Variants in THADA observed in about 807,000 individuals in gnomAD.
The protein encoded by THADA is tRNA (32-2'-O)-methyltransferase regulator THADA.
In THADA, 213 loss-of-function variants were observed where a neutral mutation model predicts 219.8. The ratio of observed to expected loss-of-function variants is 0.97; its 90% CI spans 0.87 to 1.09. The LOEUF (loss-of-function observed/expected upper bound fraction) is 1.09. Ranked by LOEUF, THADA falls within the 50% of genes least tolerant of loss-of-function variation. THADA has a pLI of 0.00. For synonymous variants in THADA, 1,018 were observed against 828.9 expected (o/e 1.23, Z -3.92); for missense variants, 2,956 against 2,311.3 (o/e 1.28, Z -5.72).
In THADA at chr2:43,291,718, TGGG is replaced by T. The variant is rs1484703926; in HGVS notation, c.4985_4987del (p.Ser1662_His1663delinsTyr). 6.4e-7 allele frequency: 1 copy of T among 1,557,140 alleles called. No homozygotes were observed. The highest frequency in any genetic ancestry group is 8.7e-7 in the Non-Finnish European group (1 of 1,148,760). Reference sequence around the variant, plus strand: ...TACCTCCACACATGTCTGCATGTGGTGGGAAATGACTTTGGAAGCAAGTCTCAG... The same window carrying T: ...TACCTCCACACATGTCTGCATGTGGTAAATGACTTTGGAAGCAAGTCTCAG... On this transcript the variant is annotated inframe_deletion, in exon 34 of 38. Transcript: ENST00000405975.
At chr2:43,499,099 A>G (rs549640288) in intron 24 of THADA, 144 bp from the exon 25 acceptor site, 1 of 891,422 alleles carries the variant, frequency 1.1e-6, no homozygotes, top group Admixed American at 3.4e-5. Flanking sequence ...AGCAGATTTA[A>G]TAAAACACAT....
intron 30 of THADA, among the ~76,000 whole-genome samples, chr2:43,335,518 AGACTCTGTTCTGTT>A (rs369009770): frequency 3.3e-5 from 5 of 152,200 alleles, no homozygotes; most frequent in African/African-American, 1.2e-4. Flanking sequence ...CGATTTGATA[AGACTCTGTTCTGTT>A]GCTCTCTTTA....
At chr2:43,521,005 GGGAA>G (rs1692378595) in intron 22 of THADA, among the ~76,000 whole-genome samples, 1 of 121,652 alleles carries the variant, frequency 8.2e-6, no homozygotes, top group African/African-American at 3.6e-5. Flanking sequence ...AGGAAAGGGA[GGGAA>G]GGGAGGGAAG....
At chr2:43,594,752 T>C (rs936178115) in intron 1 of THADA, among the ~76,000 whole-genome samples, 4 of 152,210 alleles carry the variant, frequency 2.6e-5, no homozygotes, top group Non-Finnish European at 5.9e-5. Context: ...TAAGAGGCTT[T>C]ACACTTCTCA....
chr2:43,301,842 G>C (rs1033823257), intron 31 of THADA, among the ~76,000 whole-genome samples: 1 of 152,124 alleles, frequency 6.6e-6, no homozygotes, highest in Non-Finnish European at 1.5e-5. Flanking sequence ...GTTCGTCAAA[G>C]GGTTTTCACA....
At position 43,297,635 on chromosome 2, in the gene THADA, G is replaced by A. The variant is rs1481213406; in HGVS notation, c.4439-4422C>T. Among the ~76,000 whole-genome samples, 4 of 101,326 alleles carry A rather than the reference G, an allele frequency of 3.9e-5. 1 individual carries two copies. The highest frequency in any genetic ancestry group is 2.5e-4 in the Admixed American group (3 of 12,022). 66.5% of individuals were successfully genotyped at this position (101,326 alleles called of 152,430 possible). Reference sequence around the variant, plus strand: ...CCCCGCCCGGCCAGCCCCCCCGTCCGGGAGGTGAGGGGCGCCTCTGCCCAG... The same window carrying A: ...CCCCGCCCGGCCAGCCCCCCCGTCCAGGAGGTGAGGGGCGCCTCTGCCCAG... On this transcript the variant is annotated intron_variant, in intron 31 of 37. Coordinates refer to ENST00000405975, the MANE Select transcript of THADA (RefSeq NM_022065.5).
chr2:43,591,897 C>A, intron 3 of THADA, 55 bp downstream of exon 3: 1 of 1,204,226 alleles, frequency 8.3e-7, no homozygotes, highest in Non-Finnish European at 1.1e-6. Context: ...TTTTTTAAAT[C>A]CTTAATAGCA....
chr2:43,430,189 T>C (rs886523119), intron 27 of THADA, 24 bp downstream of exon 27: 3 of 1,274,098 alleles, frequency 2.4e-6, no homozygotes, highest in South Asian at 1.6e-5. Flanking sequence ...GAGGTCATTT[T>C]GCCCCACCCA....
Position 43,586,991 on chromosome 2 carries a change from C to A in THADA, c.314G>T (p.Ser105Ile). The A allele has an allele frequency of 6.2e-7, 1 of 1,612,972 alleles. No homozygotes were observed. Among genetic ancestry groups the A allele is most frequent in the Non-Finnish European group, 8.5e-7 (1 of 1,179,498 alleles). The change falls in exon 5 of 38, where the codon AGC (serine) becomes ATC (isoleucine). Residue 105 changes from serine (S) to isoleucine (I), a missense_variant. Physicochemically the swap from Ser to Ile is moderately radical, Grantham distance 142. Transcript: ENST00000405975. ...LKKVLASSLN[S>I]LPDFFLPEAM... is the part of the protein sequence containing the mutation. ...CTCAGGTAGAAAAAAATCAGGCAGG[C>A]TATTTAGTGAGCTAGAAAAAGAAAC...
chr2:43,308,887 G>T (rs116483230), intron 31 of THADA, among the ~76,000 whole-genome samples: 1 of 151,910 alleles, frequency 6.6e-6, no homozygotes, highest in Non-Finnish European at 1.5e-5. Context: ...GAAGTTTTGA[G>T]GGAGCATCTT....
intron 31 of THADA, among the ~76,000 whole-genome samples, chr2:43,310,749 AC>A (rs1397863584): frequency 1.3e-5 from 2 of 152,210 alleles, no homozygotes; most frequent in Non-Finnish European, 2.9e-5. Context: ...AAAACTAAAA[AC>A]TTTTGTCCAT....
chr2:43,325,617 G>A (rs1393251574), intron 30 of THADA, among the ~76,000 whole-genome samples: 1 of 151,960 alleles, frequency 6.6e-6, no homozygotes, highest in African/African-American at 2.4e-5. Context: ...AGGGAGAAAA[G>A]GAGCTAGGAG....
Position 43,577,049 on chromosome 2 carries a change from G to C in THADA, c.1010C>G (p.Ala337Gly). The C allele has an allele frequency of 6.2e-7, 1 of 1,613,212 alleles. No individual in the cohort carries two copies. ...RSGEALLLDT[A>G]HVLFTLSSQI... Reference sequence around the variant, plus strand: ...TGAACTCAAGGTGAACAAAACATGTGCAGTATCCAAGAGCAGGGCCTCCCC... The same window carrying C: ...TGAACTCAAGGTGAACAAAACATGTCCAGTATCCAAGAGCAGGGCCTCCCC... The change falls in exon 10 of 38, where the codon GCA (alanine) becomes GGA (glycine). Residue 337 changes from alanine to glycine, a missense_variant. By Grantham distance (60) the Ala-to-Gly change is moderately conservative. Transcript: ENST00000405975.
chr2:43,567,757 G>C (rs144950557), intron 14 of THADA, among the ~76,000 whole-genome samples: 1 of 152,212 alleles, frequency 6.6e-6, no homozygotes, highest in Non-Finnish European at 1.5e-5. Flanking sequence ...TTCTATGGTT[G>C]GATCCCTAGT....
At chr2:43,340,267 A>G (rs1019945518) in intron 30 of THADA, among the ~76,000 whole-genome samples, 1 of 152,248 alleles carries the variant, frequency 6.6e-6, no homozygotes, top group African/African-American at 2.4e-5. Context: ...GCAGAAGCCC[A>G]GTCCTTTCCT....
At chr2:43,522,868 G>A (rs1004174481) in intron 22 of THADA, among the ~76,000 whole-genome samples, 7 of 151,930 alleles carry the variant, frequency 4.6e-5, no homozygotes, top group Non-Finnish European at 7.4e-5. Flanking sequence ...GGCTCCCCAG[G>A]CAAGATCGCG....
intron 28 of THADA, among the ~76,000 whole-genome samples, chr2:43,413,922 C>T (rs768088255): frequency 1.3e-5 from 2 of 152,162 alleles, no homozygotes; most frequent in Admixed American, 6.5e-5. Flanking sequence ...TTCTAGGACC[C>T]GTGAGATGCT....
At chr2:43,367,901 G>A (rs1422829253) in intron 29 of THADA, among the ~76,000 whole-genome samples, 1 of 152,086 alleles carries the variant, frequency 6.6e-6, no homozygotes, top group East Asian at 1.9e-4. Flanking sequence ...GGTGGATCAC[G>A]AGGTCAAGAG....
chr2:43,250,238 G>A (rs1319968002), intron 36 of THADA, among the ~76,000 whole-genome samples: 1 of 152,186 alleles, frequency 6.6e-6, no homozygotes, highest in East Asian at 1.9e-4. Context: ...AGAACTAAAA[G>A]TGCTGATTCA....
Sources: allele counts gnomAD v4.1 joint callset (sites outside exome capture counted in the v4.1 genomes callset), GRCh38; gene constraint gnomAD v4.1.1; transcripts MANE v1.5; gene names NCBI Gene and HGNC (gene_info 2026-07-23, HGNC 2026-07-21).